LRRC31: variants seen among roughly 807,000 people sequenced by gnomAD.
The protein encoded by LRRC31 is leucine rich repeat containing 31.
A neutral mutation model predicts 46.7 loss-of-function variants in LRRC31; 35 were observed. The observed-to-expected ratio is 0.75, with a 90% confidence interval of 0.57 to 0.99. The LOEUF is 0.99. LRRC31 is among the 50% of genes least tolerant of loss of function. The probability of loss-of-function intolerance (pLI) is 0.00; values close to 1 mark genes in which losing one functional copy is unlikely to be tolerated. For synonymous variants in LRRC31, 236 were observed against 235.1 expected, an observed-to-expected ratio of 1.00 and a Z score of -0.03; for missense variants, 613 against 626.1, an observed-to-expected ratio of 0.98 and a Z score of 0.22.
At chr3:169,849,270 T>C (rs1780688348) in intron 7 of LRRC31, among the ~76,000 whole-genome samples, 3 of 152,276 alleles carry the variant, frequency 2.0e-5, no homozygotes, top group East Asian at 3.9e-4. Context: ...TAAGGAGAAA[T>C]GGAACTTTTT....
rs1310027742 is a variant in LRRC31 at position 169,866,723 on chromosome 3, GC to G, written c.175+2909del. Among the ~76,000 whole-genome samples, 3 of 152,128 alleles carry G rather than the reference GC, an allele frequency of 2.0e-5. No homozygotes were observed. The East Asian group carries it at 5.8e-4, about 29-fold the overall frequency. On this transcript the variant is annotated intron_variant, in intron 1 of 8. Transcript: ENST00000316428. ...GCCTGTAATCCCAGTACTTTGGGAGGCCAAGGCAGGCAGATCACCTAAGGTC... is the reference window on the plus strand; with the variant it reads ...GCCTGTAATCCCAGTACTTTGGGAGGCAAGGCAGGCAGATCACCTAAGGTC...
At chr3:169,841,462 C>G (rs1780445827) in intron 8 of LRRC31, among the ~76,000 whole-genome samples, 1 of 152,178 alleles carries the variant, frequency 6.6e-6, no homozygotes, top group Non-Finnish European at 1.5e-5. Context: ...GAGAGCTCAG[C>G]CACCCGTGCA....
chr3:169,869,618 C>A lies in LRRC31; in HGVS notation c.175+15G>T. 1 of 1,553,670 alleles carries A rather than the reference C, an allele frequency of 6.4e-7. No homozygotes were observed. The highest frequency in any genetic ancestry group is 8.7e-7 in the Non-Finnish European group (1 of 1,155,586). On this transcript the variant is annotated intron_variant, in intron 1 of 8. Transcript: ENST00000316428. ...ACAAATACAACAGCAAAAACACCAG[C>A]AGCCAGCAGCTTACCAGTCTCTGAG...
At chr3:169,845,513 G>T (rs1780577689) in intron 8 of LRRC31, among the ~76,000 whole-genome samples, 1 of 152,132 alleles carries the variant, frequency 6.6e-6, no homozygotes, top group Non-Finnish European at 1.5e-5. Context: ...GAGACACAGA[G>T]ATCAATAGAA....
chr3:169,867,047 G>GTTTTTTT (rs1560636105), intron 1 of LRRC31, among the ~76,000 whole-genome samples: 10 of 92,646 alleles, frequency 1.1e-4, no homozygotes, highest in South Asian at 1.0e-3. Context: ...GGTTTTTTTT[G>GTTTTTTT]TTTGTTTGTT....
intron 8 of LRRC31, among the ~76,000 whole-genome samples, chr3:169,847,732 T>C (rs935396175): frequency 2.6e-5 from 4 of 152,184 alleles, no homozygotes; most frequent in African/African-American, 9.7e-5. Context: ...GTTTCCTGTT[T>C]AAATAAAAGC....
chr3:169,861,389 A>G (rs1781151063), intron 2 of LRRC31, among the ~76,000 whole-genome samples: 1 of 143,884 alleles, frequency 7.0e-6, no homozygotes, highest in African/African-American at 2.9e-5. Context: ...AAAAAAGAAA[A>G]AAGAAAAAAG....
chr3:169,862,882 C>T (rs962483261), intron 1 of LRRC31, among the ~76,000 whole-genome samples: 1 of 143,574 alleles, frequency 7.0e-6, no homozygotes, highest in Non-Finnish European at 1.5e-5. Context: ...TTTTTTCTTT[C>T]TTTTTTTTTT....
At position 169,854,807 on chromosome 3, in the gene LRRC31, A is replaced by G; in HGVS notation, c.991+6T>C. 1 of 1,606,874 alleles carries G rather than the reference A, an allele frequency of 6.2e-7. No individual in the cohort carries two copies. The highest frequency in any genetic ancestry group is 8.5e-7 in the Non-Finnish European group (1 of 1,174,124). Reference sequence around the variant, plus strand: ...GTCTTTCCTTTGCTCTGCAATATATACTTACTCAGTGACATCACGTCATCT... The same window carrying G: ...GTCTTTCCTTTGCTCTGCAATATATGCTTACTCAGTGACATCACGTCATCT... On this transcript the variant is annotated splice_donor_region_variant and intron_variant, in intron 6 of 8. Transcript: ENST00000316428.
chr3:169,869,078 T>A (rs1376619198), intron 1 of LRRC31, among the ~76,000 whole-genome samples: 1 of 150,772 alleles, frequency 6.6e-6, no homozygotes, highest in Non-Finnish European at 1.5e-5. Flanking sequence ...CATTTAAAAA[T>A]AACTAAAAGA....
chr3:169,855,109 A>G (rs3732453), intron 5 of LRRC31, 129 bp from the exon 6 acceptor site: 47,839 of 674,420 alleles, frequency 0.071, 1,904 homozygotes, highest in Middle Eastern at 0.11. Flanking sequence ...TGGGCAGCAT[A>G]GTGAGATCCA....
At chr3:169,868,133 G>A (rs924222928) in intron 1 of LRRC31, among the ~76,000 whole-genome samples, 2 of 152,164 alleles carry the variant, frequency 1.3e-5, no homozygotes, top group Non-Finnish European at 2.9e-5. Flanking sequence ...TGGAAAAGAT[G>A]CCAATCTGGC....
At chr3:169,849,020 C>T (rs886463293) in intron 7 of LRRC31, among the ~76,000 whole-genome samples, 2 of 152,170 alleles carry the variant, frequency 1.3e-5, no homozygotes, top group African/African-American at 2.4e-5. Flanking sequence ...ATTTACTTCA[C>T]GCAATTACTG....
chr3:169,862,064 T>C (rs1056897359), intron 1 of LRRC31, among the ~76,000 whole-genome samples: 1 of 152,204 alleles, frequency 6.6e-6, no homozygotes, highest in Non-Finnish European at 1.5e-5. Context: ...TGACCTGGGC[T>C]TCTCAGCATG....
In LRRC31 at chr3:169,857,633, A is replaced by G. The variant is rs146193113; in HGVS notation, c.488-761T>C. Among the ~76,000 whole-genome samples, 132 of 151,888 alleles carry G rather than the reference A, an allele frequency of 8.7e-4. 3 individuals carry two copies. In the East Asian group the frequency reaches 9.2e-3, roughly 11 times the overall value. On this transcript the variant is annotated intron_variant, in intron 3 of 8. Coordinates refer to ENST00000316428, the MANE Select transcript of LRRC31 (RefSeq NM_024727.4). ...AGAGTGGAGGCTGGGAGAGAATAGG[A>G]GAAGTGACCAAACAGATCTGTCCTT...
chr3:169,855,979 A>C (rs1780926527), intron 5 of LRRC31, among the ~76,000 whole-genome samples: 1 of 152,000 alleles, frequency 6.6e-6, no homozygotes. Context: ...TCCTGAGTTC[A>C]AGCAATTTCT....
In LRRC31 at chr3:169,854,837, T is replaced by G. The variant is rs1370782638; in HGVS notation, c.967A>C (p.Thr323Pro). ...QVLDLHQCSL[T>P]ADDVMSLTQV... is the part of the protein sequence containing the mutation. ...CTCAGTGACATCACGTCATCTGCTG[T>G]TAGTGAGCACTGGTGAAGATCTAGG... Residue 323 changes from threonine (T) to proline (P), a missense_variant, in exon 6 of 9, where the codon ACA becomes CCA. Thr to Pro is a conservative substitution (Grantham distance 38, BLOSUM62 -1). Coordinates refer to ENST00000316428, the MANE Select transcript of LRRC31 (RefSeq NM_024727.4). The G allele has an allele frequency of 1.2e-6, 2 of 1,613,438 alleles. No homozygotes were observed. The highest frequency in any genetic ancestry group is 2.7e-5 in the African/African-American group (2 of 74,930).
At position 169,869,924 on chromosome 3, in the gene LRRC31, C is replaced by A; in HGVS notation, c.-117G>T. Reference sequence around the variant, plus strand: ...GCCTGTGTTCAATCAAAATATCCTCCCCTACATGACTGCCCCCCACTCCCT... The same window carrying A: ...GCCTGTGTTCAATCAAAATATCCTCACCTACATGACTGCCCCCCACTCCCT... On this transcript the variant is annotated 5_prime_UTR_variant, in exon 1 of 9. Transcript: ENST00000316428. 2.4e-6 allele frequency: 2 copies of A among 820,466 alleles called. No individual in the cohort carries two copies. The highest frequency in any genetic ancestry group is 2.8e-5 in the East Asian group (1 of 35,392). The allele number at this position is 820,466 out of a possible 1,614,324, so 50.8% of individuals were successfully genotyped here.
rs1781357369 is a variant in LRRC31 at position 169,867,064 on chromosome 3, T to C, written c.175+2569A>G. Reference sequence around the variant, plus strand: ...TTTTTTTTGTTTGTTTGTTTGTTTTTTTTTTTTTGAGGGTCTTGCTCTGTC... The same window carrying C: ...TTTTTTTTGTTTGTTTGTTTGTTTTCTTTTTTTTGAGGGTCTTGCTCTGTC... On this transcript the variant is annotated intron_variant, in intron 1 of 8. Coordinates refer to ENST00000316428, the MANE Select transcript of LRRC31 (RefSeq NM_024727.4). Among the ~76,000 whole-genome samples the C allele has an allele frequency of 2.8e-5, 4 of 144,608 alleles. 1 individual carries two copies. In the South Asian group the frequency reaches 8.6e-4, roughly 31 times the overall value. The allele number at this position is 144,608 out of a possible 152,430, so 94.9% of individuals were successfully genotyped here.
Sources: gnomAD v4.1 joint callset for allele counts (sites outside exome capture counted in the v4.1 genomes callset) on GRCh38, gnomAD v4.1.1 for gene constraint, MANE v1.5 for transcripts, NCBI Gene and HGNC (gene_info 2026-07-23, HGNC 2026-07-21) for gene names.